PTGER3: variants seen among roughly 807,000 people sequenced by gnomAD.
The protein encoded by PTGER3 is prostaglandin E receptor 3.
PTGER3 carries 22 observed loss-of-function variants against 34.7 expected under a neutral mutation model. That is an observed-to-expected ratio of 0.63 (90% confidence interval 0.45 to 0.91). The LOEUF (loss-of-function observed/expected upper bound fraction) is 0.91. PTGER3 is among the 40% of genes least tolerant of loss of function. The pLI, the probability that PTGER3 is intolerant of heterozygous loss-of-function variation, is 0.00. For missense variants in PTGER3, 468 were observed against 519.4 expected, an observed-to-expected ratio of 0.90 and a Z score of 0.96; for synonymous variants, 241 against 230.1, an observed-to-expected ratio of 1.05 and a Z score of -0.43.
chr1:70,959,662 C>T (rs565234903), intron 2 of PTGER3, among the ~76,000 whole-genome samples: 36 of 152,250 alleles, frequency 2.4e-4, no homozygotes, highest in African/African-American at 7.7e-4. Context: ...TGCCCGGCCC[C>T]TCTTCAATTT....
intron 2 of PTGER3, chr1:71,010,378 G>T (rs919773087): frequency 2.0e-6 from 2 of 984,550 alleles, no homozygotes; most frequent in South Asian, 4.7e-5. Flanking sequence ...TATGGTATGT[G>T]CCTTGCCAAT....
chr1:70,974,391 G>T lies in PTGER3; in HGVS notation c.1078-3C>A. The T allele has an allele frequency of 1.0e-6, 1 of 965,644 alleles. No homozygotes were observed. The highest frequency in any genetic ancestry group is 1.7e-6 in the Non-Finnish European group (1 of 587,748). 59.8% of individuals were successfully genotyped at this position (965,644 alleles called of 1,614,324 possible). ...TAGTTGTTTGTGTGGTACCTGATCTGTGAACAGACAGAGGATTTCACAGGA... is the reference window on the plus strand; with the variant it reads ...TAGTTGTTTGTGTGGTACCTGATCTTTGAACAGACAGAGGATTTCACAGGA... On this transcript the variant is annotated splice_polypyrimidine_tract_variant and splice_region_variant and intron_variant, in intron 2 of 3. Coordinates refer to ENST00000306666, the MANE Select transcript of PTGER3 (RefSeq NM_198719.2).
rs1055429387 is a variant in PTGER3, at chr1:71,011,004, A to C, written c.1077+1301T>G. On this transcript the variant is annotated intron_variant, in intron 2 of 3. Transcript: ENST00000306666. ...TGAAAATCTTCACAATAAAAAGTTA[A>C]TGGGTTTACAAAATGAATGCACCAA... 6.7e-5 allele frequency: 66 copies of C among 985,806 alleles called. No homozygotes were observed. The African/African-American group carries it at 1.1e-3, about 17-fold the overall frequency. 61.1% of individuals were successfully genotyped at this position (985,806 alleles called of 1,614,324 possible).
At chr1:71,014,232 A>T (rs1464680173) in intron 1 of PTGER3, among the ~76,000 whole-genome samples, 1 of 152,118 alleles carries the variant, frequency 6.6e-6, no homozygotes, top group Non-Finnish European at 1.5e-5. Flanking sequence ...ACATAACTTA[A>T]ATTGAATTCA....
At chr1:70,981,085 T>C (rs1453871931) in intron 2 of PTGER3, among the ~76,000 whole-genome samples, 1 of 152,050 alleles carries the variant, frequency 6.6e-6, no homozygotes, top group East Asian at 1.9e-4. Context: ...TAGGCAACTG[T>C]TAATAGAAAC....
At chr1:70,955,586 G>A (rs965759890) in intron 2 of PTGER3, among the ~76,000 whole-genome samples, 2 of 152,114 alleles carry the variant, frequency 1.3e-5, no homozygotes, top group Non-Finnish European at 2.9e-5. Flanking sequence ...ATGGAGACAT[G>A]TTCCTTCTCT....
downstream of PTGER3, among the ~76,000 whole-genome samples, chr1:70,969,752 C>A (rs147879543): frequency 6.6e-6 from 1 of 152,172 alleles, no homozygotes. Context: ...GGGTTGATTC[C>A]GTTCATGACA....
chr1:70,866,661 A>G (rs1646048603), intron 4 of PTGER3, among the ~76,000 whole-genome samples: 2 of 152,138 alleles, frequency 1.3e-5, no homozygotes, highest in Non-Finnish European at 2.9e-5. Context: ...AACCTTGGGA[A>G]ATGGAAGAGG....
At chr1:70,863,930 T>C (rs1457334566) in intron 4 of PTGER3, among the ~76,000 whole-genome samples, 1 of 152,136 alleles carries the variant, frequency 6.6e-6, no homozygotes, top group Non-Finnish European at 1.5e-5. Flanking sequence ...AATTAGCATG[T>C]CATTCAGTAG....
intron 2 of PTGER3, chr1:71,011,493 C>A (rs926693546): frequency 2.0e-6 from 2 of 985,158 alleles, no homozygotes; most frequent in African/African-American, 3.5e-5. Flanking sequence ...AGGTCAGTTT[C>A]ATGAATCTTC....
chr1:70,940,612 G>A (rs1342290197), intron 4 of PTGER3, among the ~76,000 whole-genome samples: 1 of 152,178 alleles, frequency 6.6e-6, no homozygotes, highest in East Asian at 1.9e-4. Flanking sequence ...AGAGAAAAAT[G>A]AGGAAGAAGC....
intron 4 of PTGER3, among the ~76,000 whole-genome samples, chr1:70,912,676 A>T (rs1647086269): frequency 6.6e-6 from 1 of 151,118 alleles, no homozygotes; most frequent in Admixed American, 6.6e-5. Flanking sequence ...ACATGCAAAA[A>T]CCCTTCTATT....
intron 2 of PTGER3, among the ~76,000 whole-genome samples, chr1:70,995,403 C>T (rs911395799): frequency 4.6e-5 from 7 of 152,072 alleles, no homozygotes; most frequent in Admixed American, 1.3e-4. Context: ...CACTCTAAGT[C>T]TCTGCTCTTG....
intron 4 of PTGER3, among the ~76,000 whole-genome samples, chr1:70,874,561 C>G (rs1646233637): frequency 6.6e-6 from 1 of 152,162 alleles, no homozygotes; most frequent in African/African-American, 2.4e-5. Context: ...TTTGTTTTCT[C>G]TGTCTGGTTC....
intron 2 of PTGER3, chr1:71,010,566 C>T (rs556452950): frequency 1.0e-6 from 1 of 984,662 alleles, no homozygotes; most frequent in African/African-American, 1.7e-5. Context: ...ACAGGACCAA[C>T]CAAGAGGTAA....
intron 1 of PTGER3, among the ~76,000 whole-genome samples, chr1:71,017,982 C>T (rs1186775890): frequency 6.6e-6 from 1 of 152,168 alleles, no homozygotes; most frequent in East Asian, 1.9e-4. Context: ...CCAGGCTGGT[C>T]TCAAACTCCT....
At chr1:70,937,104 A>G (rs754772458) in intron 4 of PTGER3, among the ~76,000 whole-genome samples, 1 of 152,196 alleles carries the variant, frequency 6.6e-6, no homozygotes, top group Non-Finnish European at 1.5e-5. Flanking sequence ...ATTTAAAGAC[A>G]CGAGGAAATT....
At chr1:71,031,622 A>C (rs1659424893) in intron 1 of PTGER3, among the ~76,000 whole-genome samples, 1 of 152,220 alleles carries the variant, frequency 6.6e-6, no homozygotes, top group African/African-American at 2.4e-5. Flanking sequence ...TCACAGAGGC[A>C]TGCAGCAAAC....
intron 4 of PTGER3, among the ~76,000 whole-genome samples, chr1:70,892,837 CAAAAAAAAAA>C (rs1176220550): frequency 4.2e-5 from 2 of 47,914 alleles, no homozygotes; most frequent in African/African-American, 6.1e-5. Flanking sequence ...CAAGACTCCT[CAAAAAAAAAA>C]AAAAAAAAGA....
Sources: allele counts gnomAD v4.1 joint callset (sites outside exome capture counted in the v4.1 genomes callset), GRCh38; gene constraint gnomAD v4.1.1; transcripts MANE v1.5; gene names NCBI Gene and HGNC (gene_info 2026-07-23, HGNC 2026-07-21).